The following TMEM132D variants were observed in gnomAD, a reference collection of about 807,000 sequenced individuals.
TMEM132D encodes transmembrane protein 132D.
In TMEM132D, 21 loss-of-function variants were observed where a neutral mutation model predicts 62.3. That is an observed-to-expected ratio of 0.34 (90% confidence interval 0.24 to 0.49). The LOEUF (loss-of-function observed/expected upper bound fraction) is 0.49, where lower values mean the gene tolerates loss of function less well. TMEM132D is among the 20% of genes least tolerant of loss of function. The pLI, the probability that TMEM132D is intolerant of heterozygous loss-of-function variation, is 0.99. For missense variants in TMEM132D, 1,346 were observed against 1,402.8 expected (o/e 0.96, Z 0.65); for synonymous variants, 621 against 575.6 (o/e 1.08, Z -1.13).
At chr12:129,662,354 A>T (rs1187031986) in intron 2 of TMEM132D, among the ~76,000 whole-genome samples, 1 of 152,202 alleles carries the variant, frequency 6.6e-6, no homozygotes, top group African/African-American at 2.4e-5. Context: ...TCCAATCGCC[A>T]AGTTATTTAC....
At chr12:129,252,142 T>C (rs1174364044) in intron 4 of TMEM132D, among the ~76,000 whole-genome samples, 1 of 152,220 alleles carries the variant, frequency 6.6e-6, no homozygotes, top group East Asian at 1.9e-4. Flanking sequence ...GTAGTTAAGA[T>C]CCTTTCTGGC....
At chr12:129,497,589 T>C (rs1166015594) in intron 3 of TMEM132D, among the ~76,000 whole-genome samples, 3 of 152,200 alleles carry the variant, frequency 2.0e-5, no homozygotes, top group East Asian at 3.8e-4. Context: ...ATGGCAAATG[T>C]CTATCTAGGG....
rs375205844 is a variant in TMEM132D, at chr12:129,747,857, CACACACACG to C, written c.80-47168_80-47160del. On this transcript the variant is annotated intron_variant, in intron 1 of 8. Transcript: ENST00000422113. ...ACACATTCAGACACACACAGACACA[CACACACACG>C]ACACACACACACATTCAGACACACA... Among the ~76,000 whole-genome samples the C allele has an allele frequency of 0.026, 633 of 24,368 alleles. 13 individuals are homozygous for C. The South Asian group carries it at 0.29, about 11-fold the overall frequency. The allele number at this position is 24,368 out of a possible 152,430, so 16.0% of individuals were successfully genotyped here. A position where few individuals can be genotyped will look rare whatever the true frequency, so the allele number is the denominator to read the frequency against.
intron 2 of TMEM132D, among the ~76,000 whole-genome samples, chr12:129,609,516 A>G (rs1249645176): frequency 6.6e-6 from 1 of 152,144 alleles, no homozygotes; most frequent in Non-Finnish European, 1.5e-5. Flanking sequence ...TGGGAAGTCA[A>G]TCCTGGTCAT....
At chr12:129,252,392 G>T (rs748271157) in intron 4 of TMEM132D, among the ~76,000 whole-genome samples, 1 of 152,054 alleles carries the variant, frequency 6.6e-6, no homozygotes, top group Non-Finnish European at 1.5e-5. Flanking sequence ...GATGAGTTTT[G>T]CTCCTCAAGG....
chr12:129,120,937 G>A (rs1016755523), intron 5 of TMEM132D, among the ~76,000 whole-genome samples: 2 of 151,866 alleles, frequency 1.3e-5, no homozygotes, highest in Non-Finnish European at 2.9e-5. Flanking sequence ...AAACAATAAG[G>A]CTTCTGTGGT....
intron 2 of TMEM132D, among the ~76,000 whole-genome samples, chr12:129,561,795 T>G (rs1202835495): frequency 6.6e-6 from 1 of 152,194 alleles, no homozygotes; most frequent in Non-Finnish European, 1.5e-5. Flanking sequence ...AATTGAGATA[T>G]TAAGAATATA....
intron 3 of TMEM132D, among the ~76,000 whole-genome samples, chr12:129,356,152 T>TAAAGTAAGGCGGATGCCGAAGTCAA (rs1566043326): frequency 1.5e-4 from 8 of 54,510 alleles, no homozygotes; most frequent in African/African-American, 2.5e-4. Context: ...AAGGGATTTT[T>TAAAGTAAGGCGGATGCCGAAGTCAA]TTTTTTTTTT....
chr12:129,191,577 C>T (rs1878402605), intron 5 of TMEM132D, among the ~76,000 whole-genome samples: 1 of 151,288 alleles, frequency 6.6e-6, no homozygotes, highest in African/African-American at 2.4e-5. Context: ...CTAGTTTTCT[C>T]CTCTGTAAAG....
At chr12:129,267,359 C>T (rs766549994) in intron 4 of TMEM132D, among the ~76,000 whole-genome samples, 3 of 152,056 alleles carry the variant, frequency 2.0e-5, no homozygotes, top group African/African-American at 7.2e-5. Flanking sequence ...AATCAATGTG[C>T]GAAAATCACA....
At chr12:129,464,437 T>C (rs907787166) in intron 3 of TMEM132D, among the ~76,000 whole-genome samples, 5 of 152,198 alleles carry the variant, frequency 3.3e-5, no homozygotes, top group African/African-American at 7.2e-5. Context: ...TTCACTCTGA[T>C]GGTAGTTTCT....
chr12:129,431,144 C>A (rs924278637), intron 3 of TMEM132D, among the ~76,000 whole-genome samples: 4 of 152,214 alleles, frequency 2.6e-5, no homozygotes, highest in African/African-American at 9.6e-5. Context: ...TCCCTTCCAG[C>A]CTCTACCTCA....
In TMEM132D at chr12:129,092,354, G is replaced by A. The variant is rs532711718; in HGVS notation, c.1444-7652C>T. On this transcript the variant is annotated intron_variant, in intron 5 of 8. Transcript: ENST00000422113. Reference sequence around the variant, plus strand: ...CTACAGCTACAGTTGTTGAAATTCTGTCTTTTTTTCCCCTCAAACTTTGCA... The same window carrying A: ...CTACAGCTACAGTTGTTGAAATTCTATCTTTTTTTCCCCTCAAACTTTGCA... 1.8e-4 allele frequency among the ~76,000 whole-genome samples: 18 copies of A among 101,470 alleles called. 1 individual carries two copies. The South Asian group carries it at 5.3e-3, about 30-fold the overall frequency. The allele number at this position is 101,470 out of a possible 152,430, so 66.6% of individuals were successfully genotyped here. A position where few individuals can be genotyped will look rare whatever the true frequency, so the allele number is the denominator to read the frequency against.
At chr12:129,767,472 T>C (rs573715821) in intron 1 of TMEM132D, among the ~76,000 whole-genome samples, 39 of 152,274 alleles carry the variant, frequency 2.6e-4, no homozygotes, top group African/African-American at 7.7e-4. Context: ...AAACTGAAAC[T>C]GTCCTCAGTA....
At chr12:129,132,512 A>T (rs1292649705) in intron 5 of TMEM132D, among the ~76,000 whole-genome samples, 1 of 152,188 alleles carries the variant, frequency 6.6e-6, no homozygotes, top group East Asian at 1.9e-4. Flanking sequence ...ACACATTATT[A>T]ACTATGGTCA....
intron 3 of TMEM132D, among the ~76,000 whole-genome samples, chr12:129,490,023 G>T (rs1251940271): frequency 6.6e-6 from 1 of 152,122 alleles, no homozygotes; most frequent in East Asian, 1.9e-4. Flanking sequence ...TTAGGGTGAG[G>T]GCGCTCTTTA....
chr12:129,268,533 C>A (rs534784368), intron 4 of TMEM132D, among the ~76,000 whole-genome samples: 18 of 152,216 alleles, frequency 1.2e-4, no homozygotes, highest in Admixed American at 3.9e-4. Flanking sequence ...AGTCAGGAAA[C>A]AACAGGTGCT....
intron 4 of TMEM132D, among the ~76,000 whole-genome samples, chr12:129,278,764 T>C (rs956806447): frequency 1.3e-5 from 2 of 152,130 alleles, no homozygotes; most frequent in African/African-American, 4.8e-5. Flanking sequence ...GTCCAGAGAA[T>C]AAAAGAAATG....
At chr12:129,205,386 A>AC (rs900341834) in intron 5 of TMEM132D, among the ~76,000 whole-genome samples, 1 of 151,090 alleles carries the variant, frequency 6.6e-6, no homozygotes, top group African/African-American at 2.4e-5. Flanking sequence ...GAAAAAAAAA[A>AC]AAAAAACTGA....
Sources: allele counts gnomAD v4.1 joint callset (sites outside exome capture counted in the v4.1 genomes callset), GRCh38; gene constraint gnomAD v4.1.1; transcripts MANE v1.5; gene names NCBI Gene and HGNC (gene_info 2026-07-23, HGNC 2026-07-21).